ABCA12: variants seen among roughly 807,000 people sequenced by gnomAD.
ABCA12 encodes ATP binding cassette subfamily A member 12, also known as glucosylceramide transporter ABCA12.
A neutral mutation model predicts 293.5 loss-of-function variants in ABCA12; 156 were observed. The observed-to-expected ratio is 0.53, with a 90% CI of 0.47 to 0.61. ABCA12 has a LOEUF of 0.61. ABCA12 is among the 20% of genes least tolerant of loss of function. The pLI is 0.00. For synonymous variants in ABCA12, 1,063 were observed against 1,108.0 expected (o/e 0.96, Z 0.81); for missense variants, 2,797 against 3,090.2 (o/e 0.91, Z 2.25).
rs1378018555 is a variant in ABCA12 at position 214,955,288 on chromosome 2, C to CA, written c.6306_6307insT (p.Val2103CysfsTer10). 1.9e-6 allele frequency: 3 copies of CA among 1,614,000 alleles called. No homozygotes were observed. Among genetic ancestry groups the CA allele is most frequent in the Non-Finnish European group, 2.5e-6 (3 of 1,179,994 alleles). On this transcript the variant is annotated frameshift_variant, in exon 43 of 53. Transcript: ENST00000272895. LOFTEE classifies it high-confidence loss of function. ...ATGCCAAAAAACAAGTTGACACAGA[C>CA]GTAAGTGATGAAGGCCATTCCTGTT... is the stretch of plus-strand genomic sequence containing the variant.
chr2:215,074,287 T>G (rs1476405448), intron 2 of ABCA12, among the ~76,000 whole-genome samples: 1 of 152,218 alleles, frequency 6.6e-6, no homozygotes, highest in Non-Finnish European at 1.5e-5. Flanking sequence ...AAAACTTATT[T>G]GTAAACTGTC....
intron 8 of ABCA12, among the ~76,000 whole-genome samples, chr2:215,034,313 G>A (rs757758211): frequency 2.6e-5 from 4 of 152,250 alleles, no homozygotes; most frequent in Non-Finnish European, 2.9e-5. Flanking sequence ...CTATTTTCAC[G>A]GTTGCTAAGG....
chr2:215,001,166 A>C, intron 21 of ABCA12, 146 bp from the exon 22 acceptor site: 1 of 826,202 alleles, frequency 1.2e-6, no homozygotes, highest in Non-Finnish European at 1.9e-6. Flanking sequence ...TACAGAAAAC[A>C]TGGTTAATTG....
chr2:215,035,192 T>C (rs1700965562), intron 8 of ABCA12, among the ~76,000 whole-genome samples: 1 of 152,114 alleles, frequency 6.6e-6, no homozygotes, highest in Non-Finnish European at 1.5e-5. Flanking sequence ...ACAGGTAGGG[T>C]TTTGAAGTTA....
In ABCA12 at chr2:214,956,766, C is replaced by G. The variant is rs1236587352; in HGVS notation, c.6130G>C (p.Val2044Leu). The change falls in exon 42 of 53, where the codon GTG becomes CTG. Residue 2044 changes from valine to leucine, a missense_variant. By Grantham distance (32) the Val-to-Leu change is conservative. Transcript: ENST00000272895. ...ATACCAATTGAAAACGCTACAGGCACCAAGTAGAAAACCTATGGAAATATT... is the reference window on the plus strand; with the variant it reads ...ATACCAATTGAAAACGCTACAGGCAGCAAGTAGAAAACCTATGGAAATATT... ...NFIYDMVFYL[V>L]PVAFSIGIIA... 4 of 1,610,656 alleles carry G rather than the reference C, an allele frequency of 2.5e-6. No individual in the cohort carries two copies. The South Asian group carries it at 4.4e-5, about 18-fold the overall frequency.
intron 2 of ABCA12, among the ~76,000 whole-genome samples, chr2:215,102,992 T>G (rs1452294288): frequency 6.6e-6 from 1 of 152,198 alleles, no homozygotes; most frequent in Non-Finnish European, 1.5e-5. Context: ...ATCACTGAGT[T>G]TTTTCAAACT....
chr2:215,043,868 A>G (rs959336315), intron 7 of ABCA12, among the ~76,000 whole-genome samples: 5 of 151,964 alleles, frequency 3.3e-5, no homozygotes, highest in African/African-American at 7.3e-5. Context: ...ATTATAGATT[A>G]ATTGTGTCAA....
At position 215,064,091 on chromosome 2, in the gene ABCA12, T is replaced by C; in HGVS notation, c.292A>G (p.Ile98Val). 1 of 1,612,920 alleles carries C rather than the reference T, an allele frequency of 6.2e-7. No homozygotes were observed. The highest frequency in any genetic ancestry group is 8.5e-7 in the Non-Finnish European group (1 of 1,179,156). The stretch of plus-strand genomic sequence containing the variant: ...CTGTCTTTAAATAGTGCATCATCAA[T>C]TCCTTTCCTACGAAGCAGATCTTGT... The part of the protein sequence containing the change: ...GPQDLLRRKG[I>V]DDALFKDSEI... The change falls in exon 3 of 53, where the codon ATT (isoleucine) becomes GTT (valine). Residue 98 changes from isoleucine (I) to valine (V), a missense_variant. Physicochemically the swap from Ile to Val is conservative, Grantham distance 29. This residue lies in a region of ABCA12 where 656 missense variants were observed against 638.2 expected (regional missense o/e 1.03). Coordinates refer to ENST00000272895, the MANE Select transcript of ABCA12 (RefSeq NM_173076.3).
intron 27 of ABCA12, among the ~76,000 whole-genome samples, chr2:214,987,194 G>C (rs530988557): frequency 2.0e-5 from 3 of 152,290 alleles, no homozygotes; most frequent in African/African-American, 7.2e-5. Flanking sequence ...GGACCGCTTA[G>C]TGGCCCGTAC....
chr2:215,081,288 G>C (rs1165346520), intron 2 of ABCA12, among the ~76,000 whole-genome samples: 2 of 151,914 alleles, frequency 1.3e-5, no homozygotes, highest in Non-Finnish European at 2.9e-5. Flanking sequence ...GACCAGCCTG[G>C]CCAACATGGT....
chr2:214,953,730 A>T (rs540293860), intron 44 of ABCA12, 124 bp downstream of exon 44: 40 of 1,281,392 alleles, frequency 3.1e-5, no homozygotes, highest in South Asian at 2.9e-5. Flanking sequence ...AGAATTTTTT[A>T]AAAGTTTTTG....
At chr2:214,986,373 A>T (rs150674944) in intron 28 of ABCA12, among the ~76,000 whole-genome samples, 169 bp downstream of exon 28, 24 of 152,342 alleles carry the variant, frequency 1.6e-4, no homozygotes, top group African/African-American at 5.8e-4. Context: ...TTAAAGTATT[A>T]CAACCTTTGA....
chr2:215,134,597 C>CTATA lies in ABCA12; in HGVS notation c.69+3542_69+3543insTATA, dbSNP rs1377642965. On this transcript the variant is annotated intron_variant, in intron 1 of 52. Coordinates refer to ENST00000272895, the MANE Select transcript of ABCA12 (RefSeq NM_173076.3). Reference sequence around the variant, plus strand: ...ATATAATCTCTCTCTCTCTCTCTCTCTCTATATATATATATATATAGAGAG... The same window carrying CTATA: ...ATATAATCTCTCTCTCTCTCTCTCTCTATATCTATATATATATATATATAGAGAG... 1.2e-4 allele frequency among the ~76,000 whole-genome samples: 10 copies of CTATA among 82,992 alleles called. 1 individual carries two copies. Among genetic ancestry groups the CTATA allele is most frequent in the African/African-American group, 8.5e-4 (10 of 11,728 alleles). The allele number at this position is 82,992 out of a possible 152,430, so 54.4% of individuals were successfully genotyped here. A position where few individuals can be genotyped will look rare whatever the true frequency, so the allele number is the denominator to read the frequency against.
chr2:215,130,236 ATT>A (rs57228653), intron 1 of ABCA12, among the ~76,000 whole-genome samples: 1 of 147,602 alleles, frequency 6.8e-6, no homozygotes, highest in African/African-American at 2.5e-5. Flanking sequence ...AAACTTTAGG[ATT>A]TTTTTTTTTA....
intron 6 of ABCA12, 82 bp downstream of exon 6, chr2:215,049,544 A>G: frequency 7.3e-7 from 1 of 1,362,614 alleles, no homozygotes; most frequent in Non-Finnish European, 1.0e-6. Flanking sequence ...TATCCCAGTC[A>G]GCATTTCCCA....
In ABCA12 at chr2:214,980,547, C is replaced by A. The variant is rs1457513156; in HGVS notation, c.4676G>T (p.Gly1559Val). ...GGCTTCCTTGAGGTAAAATGGGGACCCACAGCACCTAAGCCCACCCTGCTC... is the reference window on the plus strand; with the variant it reads ...GGCTTCCTTGAGGTAAAATGGGGACACACAGCACCTAAGCCCACCCTGCTC... Reference protein sequence around the residue: ...FLEQGGLRCCGSPFYLKEAFG... With the variant: ...FLEQGGLRCCVSPFYLKEAFG... The change falls in exon 31 of 53, where the codon GGG becomes GTG. Residue 1559 changes from glycine (G) to valine (V), a missense_variant. Physicochemically the swap from Gly to Val is moderately radical, Grantham distance 109 (BLOSUM62 -3). Transcript: ENST00000272895. 4 of 1,613,932 alleles carry A rather than the reference C, an allele frequency of 2.5e-6. No individual in the cohort carries two copies. In the South Asian group the frequency reaches 3.3e-5, roughly 13 times the overall value.
chr2:215,018,844 T>C (rs542287749), intron 13 of ABCA12, among the ~76,000 whole-genome samples: 2 of 152,340 alleles, frequency 1.3e-5, no homozygotes, highest in African/African-American at 4.8e-5. Flanking sequence ...CTGCCCGTTG[T>C]CCAAAATTCT....
At chr2:214,983,554 T>A in intron 29 of ABCA12, 93 bp downstream of exon 29, 1 of 1,066,808 alleles carries the variant, frequency 9.4e-7, no homozygotes, top group Admixed American at 1.8e-5. Flanking sequence ...AGAAAATATT[T>A]CCTATTGGTA....
chr2:215,098,610 A>G (rs1702292848), intron 2 of ABCA12, among the ~76,000 whole-genome samples: 1 of 152,218 alleles, frequency 6.6e-6, no homozygotes, highest in African/African-American at 2.4e-5. Context: ...GTGCCAAGCA[A>G]TATTCCAGAG....
Sources: gnomAD v4.1 joint callset for allele counts (sites outside exome capture counted in the v4.1 genomes callset) on GRCh38, gnomAD v4.1.1 for gene constraint, gnomAD v4.1.1 regional missense constraint, MANE v1.5 for transcripts, NCBI Gene and HGNC (gene_info 2026-07-23, HGNC 2026-07-21) for gene names.